The following WWOX variants were observed in gnomAD, a reference collection of about 807,000 sequenced individuals.
WWOX encodes the protein WW domain containing oxidoreductase.
Under a neutral mutation model 46.2 loss-of-function variants are expected in WWOX, and 69 were observed. That is an observed-to-expected ratio of 1.49 (90% confidence interval 1.23 to 1.82). WWOX has a LOEUF of 1.82. WWOX is among the 40% of genes most tolerant of loss of function. The pLI is 0.00. For synonymous variants in WWOX, 359 were observed against 202.6 expected (o/e 1.77, Z -6.56); for missense variants, 919 against 542.6 (o/e 1.69, Z -6.89).
At chr16:78,501,691 C>G (rs1188280021) in intron 8 of WWOX, among the ~76,000 whole-genome samples, 1 of 152,110 alleles carries the variant, frequency 6.6e-6, no homozygotes, top group Non-Finnish European at 1.5e-5. Context: ...CATCCGCCAC[C>G]ATGCTTGGGT....
chr16:78,668,738 A>C (rs1268486243), intron 8 of WWOX, among the ~76,000 whole-genome samples: 1 of 152,050 alleles, frequency 6.6e-6, no homozygotes, highest in African/African-American at 2.4e-5. Context: ...CCACCCTGGA[A>C]GTTGAGTGAT....
At chr16:78,489,357 C>T (rs1223350287) in intron 8 of WWOX, among the ~76,000 whole-genome samples, 2 of 152,116 alleles carry the variant, frequency 1.3e-5, no homozygotes, top group Non-Finnish European at 2.9e-5. Flanking sequence ...GGATTTTTTT[C>T]CTCTCTTTAC....
chr16:78,556,877 C>T (rs2044311234), intron 8 of WWOX, among the ~76,000 whole-genome samples: 1 of 151,924 alleles, frequency 6.6e-6, no homozygotes, highest in African/African-American at 2.4e-5. Flanking sequence ...CACCACCAAG[C>T]CCGGCTAAGT....
intron 8 of WWOX, among the ~76,000 whole-genome samples, chr16:78,971,131 A>G (rs900360456): frequency 2.0e-5 from 3 of 152,048 alleles, no homozygotes; most frequent in Non-Finnish European, 4.4e-5. Flanking sequence ...TGTGAGCCAT[A>G]TGCTTTATTC....
At chr16:78,647,651 G>A (rs1377549251) in intron 8 of WWOX, among the ~76,000 whole-genome samples, 1 of 152,140 alleles carries the variant, frequency 6.6e-6, no homozygotes, top group Non-Finnish European at 1.5e-5. Context: ...AGTGCTGACA[G>A]GCACATCAAC....
chr16:79,068,725 G>A (rs1421730089), intron 8 of WWOX, among the ~76,000 whole-genome samples: 1 of 151,710 alleles, frequency 6.6e-6, no homozygotes, highest in African/African-American at 2.4e-5. Context: ...GTGGGAGGAT[G>A]GCTCGAGCCC....
intron 8 of WWOX, among the ~76,000 whole-genome samples, chr16:78,892,605 T>C (rs1454856036): frequency 1.3e-5 from 2 of 152,208 alleles, no homozygotes; most frequent in African/African-American, 2.4e-5. Flanking sequence ...ACCTGTGTTA[T>C]CTACTGAGAT....
At chr16:79,066,169 C>T (rs917286933) in intron 8 of WWOX, among the ~76,000 whole-genome samples, 2 of 152,168 alleles carry the variant, frequency 1.3e-5, no homozygotes, top group African/African-American at 2.4e-5. Flanking sequence ...GCCGTCCTCT[C>T]TTCCTAAATC....
chr16:78,164,773 C>A (rs2034918068), intron 5 of WWOX, among the ~76,000 whole-genome samples: 1 of 152,238 alleles, frequency 6.6e-6, no homozygotes. Context: ...AAACAGAATC[C>A]CTGCCCTCAT....
At chr16:78,822,204 C>A (rs1213560260) in intron 8 of WWOX, among the ~76,000 whole-genome samples, 1 of 151,618 alleles carries the variant, frequency 6.6e-6, no homozygotes, top group Non-Finnish European at 1.5e-5. Context: ...GTCAAAAAAT[C>A]TACGTGAGGC....
At chr16:78,619,142 AATATATATATATATATATATAT>A (rs71140816) in intron 8 of WWOX, among the ~76,000 whole-genome samples, 2 of 9,078 alleles carry the variant, frequency 2.2e-4, no homozygotes, top group East Asian at 2.9e-3. Flanking sequence ...CTAAAAAAAA[AATATATATATATATATATATAT>A]ATATATATAT....
intron 8 of WWOX, among the ~76,000 whole-genome samples, chr16:79,000,392 G>A (rs2047070223): frequency 6.6e-6 from 1 of 152,166 alleles, no homozygotes; most frequent in Admixed American, 6.5e-5. Flanking sequence ...ATGGAGTTAA[G>A]GTTGCTATTC....
At chr16:79,036,410 T>C (rs2047867328) in intron 8 of WWOX, among the ~76,000 whole-genome samples, 1 of 152,252 alleles carries the variant, frequency 6.6e-6, no homozygotes, top group African/African-American at 2.4e-5. Flanking sequence ...CATAGAATTA[T>C]TGCCCGTTGA....
chr16:78,632,490 G>A (rs533829647), intron 8 of WWOX, among the ~76,000 whole-genome samples: 1 of 150,466 alleles, frequency 6.6e-6, no homozygotes, highest in Non-Finnish European at 1.5e-5. Context: ...AACGAGCAAG[G>A]TGTTGATAGA....
chr16:78,738,490 T>A (rs1166157564), intron 8 of WWOX, among the ~76,000 whole-genome samples: 1 of 152,172 alleles, frequency 6.6e-6, no homozygotes, highest in East Asian at 1.9e-4. Context: ...TAATGAGAAT[T>A]CCACTCCTTT....
chr16:78,718,331 G>C (rs1388858268), intron 8 of WWOX, among the ~76,000 whole-genome samples: 1 of 151,744 alleles, frequency 6.6e-6, no homozygotes, highest in African/African-American at 2.4e-5. Flanking sequence ...AAGAATTATT[G>C]TGGTGCCAAA....
chr16:78,211,094 A>G (rs1221230250), intron 5 of WWOX, among the ~76,000 whole-genome samples: 1 of 152,194 alleles, frequency 6.6e-6, no homozygotes, highest in Non-Finnish European at 1.5e-5. Context: ...TACTTCAGAT[A>G]TTCCTACTGA....
chr16:78,644,078 C>T (rs1458702008), intron 8 of WWOX, among the ~76,000 whole-genome samples: 1 of 152,000 alleles, frequency 6.6e-6, no homozygotes, highest in African/African-American at 2.4e-5. Context: ...CAAAATTAGC[C>T]AGACATGGTG....
chr16:78,479,786 T>C (rs1235332921), intron 8 of WWOX, among the ~76,000 whole-genome samples: 1 of 152,110 alleles, frequency 6.6e-6, no homozygotes, highest in African/African-American at 2.4e-5. Flanking sequence ...CATGGAGTTT[T>C]CCAAGATAAG....
Sources: gnomAD v4.1 joint callset for allele counts (sites outside exome capture counted in the v4.1 genomes callset) on GRCh38, gnomAD v4.1.1 for gene constraint, MANE v1.5 for transcripts, NCBI Gene and HGNC (gene_info 2026-07-23, HGNC 2026-07-21) for gene names.